Variants in WNT9B observed in about 807,000 individuals in gnomAD.
The protein encoded by WNT9B is protein Wnt-9b.
In WNT9B, 12 loss-of-function variants were observed where a neutral mutation model predicts 30.2. The observed-to-expected ratio is 0.40, with a 90% CI of 0.26 to 0.64. The LOEUF (loss-of-function observed/expected upper bound fraction) is 0.64. Ranked by LOEUF, WNT9B falls within the 30% of genes least tolerant of loss-of-function variation. The pLI is 0.42. For synonymous variants in WNT9B, 218 were observed against 216.9 expected (o/e 1.01, Z -0.05); for missense variants, 442 against 485.2 (o/e 0.91, Z 0.84).
chr17:46,882,658 C>G (rs1358940191), downstream of WNT9B, among the ~76,000 whole-genome samples: 1 of 152,154 alleles, frequency 6.6e-6, no homozygotes, highest in Non-Finnish European at 1.5e-5. Flanking sequence ...CCCACCCTTC[C>G]CATTTCTTTC....
intron 2 of WNT9B, among the ~76,000 whole-genome samples, chr17:46,874,498 C>T (rs973122817): frequency 4.6e-5 from 7 of 152,160 alleles, no homozygotes; most frequent in African/African-American, 1.7e-4. Context: ...AAGGCCGTAG[C>T]CCCTGGCCTG....
intron 1 of WNT9B, among the ~76,000 whole-genome samples, chr17:46,856,747 G>C (rs1368256631): frequency 2.6e-5 from 4 of 151,098 alleles, no homozygotes; most frequent in Admixed American, 6.6e-5. Context: ...GCCTCCCAAA[G>C]TGCTAGAATT....
chr17:46,885,706 T>C (rs1330683272), exon 5 of WNT9B: 1 of 152,246 alleles, frequency 6.6e-6, no homozygotes, highest in Non-Finnish European at 1.5e-5. Flanking sequence ...TAAATCTTGT[T>C]CTCCATACTG....
chr17:46,846,498 A>C (rs866143306), intron 1 of WNT9B, among the ~76,000 whole-genome samples: 1 of 152,364 alleles, frequency 6.6e-6, no homozygotes, highest in South Asian at 2.1e-4. Flanking sequence ...CAACATAGGC[A>C]CTGGCACAAA....
intron 1 of WNT9B, among the ~76,000 whole-genome samples, chr17:46,833,798 C>T (rs1332417176): frequency 6.6e-6 from 1 of 152,180 alleles, no homozygotes; most frequent in Non-Finnish European, 1.5e-5. Context: ...CTGGGGGCTC[C>T]TGATCGGGAG....
chr17:46,851,246 C>A (rs909606395), upstream of WNT9B, among the ~76,000 whole-genome samples: 4 of 152,132 alleles, frequency 2.6e-5, no homozygotes, highest in African/African-American at 9.7e-5. The surrounding 1 kb of genome is among the most constrained non-coding windows in gnomAD (Gnocchi z 4.3). Flanking sequence ...CTTGCCTCCG[C>A]CCCATCCCGG....
At chr17:46,837,069 A>C (rs566349713) in intron 1 of WNT9B, among the ~76,000 whole-genome samples, 26 of 152,132 alleles carry the variant, frequency 1.7e-4, no homozygotes, top group African/African-American at 6.0e-4. Context: ...CAGCCTCCCA[A>C]GTAGCTAGGA....
At chr17:46,885,429 A>G (rs2085477903), downstream of WNT9B, 1 of 161,972 alleles carries the variant, frequency 6.2e-6, no homozygotes, top group Non-Finnish European at 1.3e-5. Flanking sequence ...CAGCCTCCCA[A>G]GTAGCTGGGA....
chr17:46,855,892 T>TTGATCAGGCTGGTCTGGAAC (rs1460999742), intron 1 of WNT9B, among the ~76,000 whole-genome samples: 13 of 152,078 alleles, frequency 8.5e-5, no homozygotes, highest in Admixed American at 5.2e-4. Flanking sequence ...AGAGACCATG[T>TTGATCAGGCTGGTCTGGAAC]TGATCAGGCT....
chr17:46,876,538 T>C lies in WNT9B; in HGVS notation c.894T>C (p.Pro298=). The change falls in exon 4 of 4, where the codon CCT becomes CCC. Residue 298 remains proline, a synonymous_variant. Coordinates refer to ENST00000290015, the MANE Select transcript of WNT9B (RefSeq NM_003396.3). Reference sequence around the variant, plus strand: ...TCTGCCGGCCCAGCAAGTACTCACCTGGCACAGCAGGTAGGGTGTGCTCCC... The same window carrying C: ...TCTGCCGGCCCAGCAAGTACTCACCCGGCACAGCAGGTAGGGTGTGCTCCC... ...PSFCRPSKYS[P]GTAGRVCSRE... 2 of 1,613,658 alleles carry C rather than the reference T, an allele frequency of 1.2e-6. No individual in the cohort carries two copies. The highest frequency in any genetic ancestry group is 1.7e-6 in the Non-Finnish European group (2 of 1,180,020).
intron 1 of WNT9B, among the ~76,000 whole-genome samples, chr17:46,863,924 G>A (rs2085086902): frequency 6.6e-6 from 1 of 152,168 alleles, no homozygotes; most frequent in Non-Finnish European, 1.5e-5. Context: ...GGTTCCTGCT[G>A]TCCCTACAGC....
chr17:46,875,228 G>A lies in WNT9B; in HGVS notation c.462G>A (p.Arg154=). 3.1e-6 allele frequency: 5 copies of A among 1,614,196 alleles called. No homozygotes were observed. Among genetic ancestry groups the A allele is most frequent in the Non-Finnish European group, 4.2e-6 (5 of 1,180,034 alleles). Residue 154 remains arginine, a synonymous_variant, in exon 3 of 4, where the codon CGG becomes CGA. Coordinates refer to ENST00000290015, the MANE Select transcript of WNT9B (RefSeq NM_003396.3). ...TCDDSPGLES[R]QAWQWGVCGD... ...ATGACTCTCCGGGGCTGGAGAGCCGGCAGGCCTGGCAGTGGGGCGTGTGCG... is the reference window on the plus strand; with the variant it reads ...ATGACTCTCCGGGGCTGGAGAGCCGACAGGCCTGGCAGTGGGGCGTGTGCG...
intron 1 of WNT9B, among the ~76,000 whole-genome samples, chr17:46,837,190 C>T (rs532082608): frequency 1.3e-5 from 2 of 152,000 alleles, no homozygotes; most frequent in African/African-American, 4.8e-5. Flanking sequence ...ATCTGCCCGC[C>T]GCGGCCCCCC....
downstream of WNT9B, among the ~76,000 whole-genome samples, chr17:46,882,408 C>A (rs549981762): frequency 2.0e-5 from 3 of 152,190 alleles, no homozygotes; most frequent in Non-Finnish European, 2.9e-5. Flanking sequence ...TGGCAATAAG[C>A]TGCTTGGGTG....
At chr17:46,841,727 A>C (rs748649032) in intron 1 of WNT9B, among the ~76,000 whole-genome samples, 48 of 152,222 alleles carry the variant, frequency 3.2e-4, no homozygotes, top group Non-Finnish European at 2.5e-4. Flanking sequence ...GGGGTAGATG[A>C]AGGCAGAGGA....
chr17:46,835,501 A>G lies in WNT9B; in HGVS notation c.95+2061A>G, dbSNP rs150450949. Among the ~76,000 whole-genome samples the G allele has an allele frequency of 5.7e-3, 867 of 152,178 alleles. 5 individuals are homozygous for G. The highest frequency in any genetic ancestry group is 9.4e-3 in the Non-Finnish European group (636 of 67,990). On this transcript the variant is annotated intron_variant, in intron 1 of 2. Transcript: ENST00000575372. ...GCTGGGATTACAGGCATGAGCCACC[A>G]CGCCCAGCCCAGTCTCCCTTATTCT...
At chr17:46,885,348 G>C (rs547181782), downstream of WNT9B, 10 of 238,656 alleles carry the variant, frequency 4.2e-5, no homozygotes, top group African/African-American at 2.1e-4. Flanking sequence ...TGTCACCCAG[G>C]CTGGAGTGCA....
At chr17:46,866,913 C>T (rs1178955640) in intron 1 of WNT9B, among the ~76,000 whole-genome samples, 2 of 152,192 alleles carry the variant, frequency 1.3e-5, no homozygotes, top group Non-Finnish European at 2.9e-5. Flanking sequence ...AAAAGCTCTC[C>T]ACCAACCTGG....
chr17:46,884,940 C>T (rs560154582), downstream of WNT9B: 10 of 365,730 alleles, frequency 2.7e-5, no homozygotes, highest in Middle Eastern at 3.9e-4. Flanking sequence ...CCCCCAACTT[C>T]CCCACTCCTG....
Sources: allele counts gnomAD v4.1 joint callset (sites outside exome capture counted in the v4.1 genomes callset), GRCh38; gene constraint gnomAD v4.1.1; non-coding constraint Gnocchi (gnomAD v3.1); transcripts MANE v1.5; gene names NCBI Gene and HGNC (gene_info 2026-07-23, HGNC 2026-07-21).